GPS1: variants seen among roughly 807,000 people sequenced by gnomAD.
GPS1 encodes COP9 signalosome complex subunit 1.
A neutral mutation model predicts 60.0 loss-of-function variants in GPS1; 11 were observed. The observed-to-expected ratio is 0.18, with a 90% CI of 0.12 to 0.30. GPS1 has a LOEUF of 0.30. GPS1 is among the 10% of genes least tolerant of loss of function. The pLI, the probability that GPS1 is intolerant of heterozygous loss-of-function variation, is 1.00. For synonymous variants in GPS1, 343 were observed against 269.8 expected (o/e 1.27, Z -2.66); for missense variants, 543 against 669.2 (o/e 0.81, Z 2.08).
chr17:82,055,810 C>A lies in GPS1; in HGVS notation c.819C>A (p.His273Gln), dbSNP rs1467562361. The change falls in exon 7 of 13, where the codon CAC becomes CAA. Residue 273 changes from histidine (H) to glutamine (Q), a missense_variant. Coordinates refer to ENST00000578552, the MANE Select transcript of GPS1 (RefSeq NM_001321092.3). ...AKCLLLASFD[H>Q]CDFPELLSPS... ...GCCTCCTGCTGGCTTCCTTTGATCA[C>A]TGTGACTTCCCTGAGGTGAGGAGCC... The A allele has an allele frequency of 3.2e-6, 5 of 1,563,212 alleles. No individual in the cohort carries two copies. The highest frequency in any genetic ancestry group is 4.3e-6 in the Non-Finnish European group (5 of 1,153,070).
At chr17:82,053,157 TG>T in intron 1 of GPS1, 116 bp from the exon 2 acceptor site, 2 of 724,076 alleles carry the variant, frequency 2.8e-6, no homozygotes, top group Non-Finnish European at 4.1e-6. Context: ...GGCGGGAGTG[TG>T]GTCCGACTGG....
chr17:82,055,201 A>T lies in GPS1; in HGVS notation c.727A>T (p.Thr243Ser). Residue 243 changes from threonine (T) to serine (S), a missense_variant, in exon 6 of 13, where the codon ACC becomes TCC. By Grantham distance (58) the Thr-to-Ser change is moderately conservative (BLOSUM62 1). Coordinates refer to ENST00000578552, the MANE Select transcript of GPS1 (RefSeq NM_001321092.3). ...TGACAGCCAGACCCAGGCCATCCTC[A>T]CCAAGCTCAAGTGTGCCGCAGGTGA... is the stretch of plus-strand genomic sequence containing the variant. Reference protein sequence around the residue: ...ERDSQTQAILTKLKCAAGLAE... With the variant: ...ERDSQTQAILSKLKCAAGLAE... The T allele has an allele frequency of 6.4e-7, 1 of 1,558,458 alleles. No homozygotes were observed. The highest frequency in any genetic ancestry group is 8.7e-7 in the Non-Finnish European group (1 of 1,151,426).
At chr17:82,053,194 C>T (rs767913842) in intron 1 of GPS1, 80 bp from the exon 2 acceptor site, 6 of 1,142,982 alleles carry the variant, frequency 5.2e-6, no homozygotes, top group Admixed American at 4.0e-5. Flanking sequence ...GCAGAGCTGA[C>T]CTCAGAGAAC....
chr17:82,052,666 G>C (rs1173098626), intron 1 of GPS1: 3 of 617,272 alleles, frequency 4.9e-6, no homozygotes, highest in South Asian at 2.1e-5. Context: ...GGAGGCCCAC[G>C]GGTCCGGCGA....
intron 6 of GPS1, chr17:82,055,438 T>C (rs781225830): frequency 1.3e-5 from 8 of 628,664 alleles, no homozygotes; most frequent in Non-Finnish European, 2.0e-5. Context: ...GCTGTCACTG[T>C]GGGCGTGAGG....
In GPS1 at chr17:82,056,868, G is replaced by C; in HGVS notation, c.1283G>C (p.Arg428Pro). 1 of 1,612,790 alleles carries C rather than the reference G, an allele frequency of 6.2e-7. No individual in the cohort carries two copies. The highest frequency in any genetic ancestry group is 8.5e-7 in the Non-Finnish European group (1 of 1,179,924). The change falls in exon 12 of 13, where the codon CGC (arginine) becomes CCC (proline). Residue 428 changes from arginine to proline, a missense_variant. Physicochemically the swap from Arg to Pro is moderately radical, Grantham distance 103. Transcript: ENST00000578552. ...KILYARDVDQ[R>P]STTFEKSLLM... ...CTATACGCCCGGGACGTGGATCAGC[G>C]CAGCACCACCTTTGAGAAGTCTCTG...
chr17:82,056,658 G>T lies in GPS1; in HGVS notation c.1146G>T (p.Met382Ile). ...QYFSPYVSAD[M>I]HRMAAAFNTT... ...TCAGCCCCTACGTGTCAGCCGACAT[G>T]CATAGGATGGCGGCAGCCTTCAATA... The change falls in exon 11 of 13, where the codon ATG becomes ATT. Residue 382 changes from methionine to isoleucine, a missense_variant. This residue lies in a region of GPS1 where 291 missense variants were observed against 353.7 expected (regional missense o/e 0.82). Coordinates refer to ENST00000578552, the MANE Select transcript of GPS1 (RefSeq NM_001321092.3). 6.2e-7 allele frequency: 1 copy of T among 1,605,726 alleles called. No homozygotes were observed. Among genetic ancestry groups the T allele is most frequent in the Non-Finnish European group, 8.5e-7 (1 of 1,175,670 alleles).
At chr17:82,055,043 C>T (rs1452976829) in intron 5 of GPS1, 68 bp downstream of exon 5, 1 of 1,597,882 alleles carries the variant, frequency 6.3e-7, no homozygotes, top group Admixed American at 1.7e-5. Flanking sequence ...TCCTGTCCTC[C>T]CCCACCTCAT....
At chr17:82,054,097 G>T (rs569952773) in intron 3 of GPS1, 48 bp downstream of exon 3, 21 of 1,545,800 alleles carry the variant, frequency 1.4e-5, no homozygotes, top group East Asian at 4.7e-5. Context: ...CCAAGGGAGC[G>T]CGGGTGTCTG....
rs529594445 is a variant in GPS1, at chr17:82,052,536, C to T, written c.33+572C>T. 89 of 1,500,352 alleles carry T rather than the reference C, an allele frequency of 5.9e-5. 1 individual carries two copies. The South Asian group carries it at 1.0e-3, about 17-fold the overall frequency. The allele number at this position is 1,500,352 out of a possible 1,614,324, so 92.9% of individuals were successfully genotyped here. ...GGCCGCCCCTGCTGTGGCTGGGCCCCTGCTGCTCTGCTGGCCGAGGACAGG... is the reference window on the plus strand; with the variant it reads ...GGCCGCCCCTGCTGTGGCTGGGCCCTTGCTGCTCTGCTGGCCGAGGACAGG... On this transcript the variant is annotated intron_variant, in intron 1 of 12. Transcript: ENST00000578552.
Position 82,056,360 on chromosome 17 carries a change from C to T in GPS1, c.1004C>T (p.Ala335Val). The change falls in exon 9 of 13, where the codon GCC becomes GTC. Residue 335 changes from alanine (A) to valine (V), a missense_variant. This residue lies in a region of GPS1 where 291 missense variants were observed against 353.7 expected (regional missense o/e 0.82). Coordinates refer to ENST00000578552, the MANE Select transcript of GPS1 (RefSeq NM_001321092.3). ...TTCAAATTCTACGAGTCCAAGTACGCCTCATGTCTCAAGATGCTGGACGAG... is the reference window on the plus strand; with the variant it reads ...TTCAAATTCTACGAGTCCAAGTACGTCTCATGTCTCAAGATGCTGGACGAG... ...IIFKFYESKYASCLKMLDEMK... is the reference protein window; with the variant it reads ...IIFKFYESKYVSCLKMLDEMK... 1.2e-6 allele frequency: 2 copies of T among 1,613,294 alleles called. No individual in the cohort carries two copies. The highest frequency in any genetic ancestry group is 8.5e-7 in the Non-Finnish European group (1 of 1,179,912).
chr17:82,053,554 A>G (rs2031639066), intron 2 of GPS1, 188 bp downstream of exon 2: 2 of 528,070 alleles, frequency 3.8e-6, no homozygotes, highest in Non-Finnish European at 6.5e-6. Flanking sequence ...TCAGCTTCAG[A>G]TGCTGCTCAT....
upstream of GPS1, chr17:82,051,639 G>C (rs1338785069): frequency 5.5e-6 from 6 of 1,098,720 alleles, no homozygotes; most frequent in African/African-American, 8.4e-5. This position sits in a 1 kb window ranked among gnomAD's most constrained non-coding sequence, Gnocchi z 4.1. Context: ...GGGCGCGCGC[G>C]GGGCCGGGGC....
chr17:82,054,203 T>C, intron 3 of GPS1, 154 bp downstream of exon 3: 1 of 849,958 alleles, frequency 1.2e-6, no homozygotes, highest in Non-Finnish European at 1.8e-6. Flanking sequence ...GCAGTGGAAG[T>C]GCCCTGTGTG....
Position 82,056,383 on chromosome 17 carries a change from G to A in GPS1, c.1027G>A (p.Glu343Lys), listed in dbSNP as rs780033092. The change falls in exon 9 of 13, where the codon GAG (glutamate) becomes AAG (lysine). Residue 343 changes from glutamate to lysine, a missense_variant. Physicochemically the swap from Glu to Lys is moderately conservative, Grantham distance 56 (BLOSUM62 1). This residue lies in a region of GPS1 where 291 missense variants were observed against 353.7 expected (regional missense o/e 0.82). Transcript: ENST00000578552. Reference protein sequence around the residue: ...KYASCLKMLDEMKDNLLLDMY... With the variant: ...KYASCLKMLDKMKDNLLLDMY... ...CGCCTCATGTCTCAAGATGCTGGAC[G>A]AGATGAAGGTGGGCCCCGCCTGGGG... 2 of 1,611,974 alleles carry A rather than the reference G, an allele frequency of 1.2e-6. No homozygotes were observed. The highest frequency in any genetic ancestry group is 1.3e-5 in the African/African-American group (1 of 74,558).
chr17:82,051,154 C>G (rs977036470), upstream of GPS1: 53 of 1,310,338 alleles, frequency 4.0e-5, no homozygotes, highest in Non-Finnish European at 5.1e-5. This position sits in a 1 kb window ranked among gnomAD's most constrained non-coding sequence, Gnocchi z 4.1. Flanking sequence ...GCCGCGTGAC[C>G]TGGGCAGCGT....
In GPS1 at chr17:82,055,741, C is replaced by A; in HGVS notation, c.750C>A (p.Gly250=). 6.5e-7 allele frequency: 1 copy of A among 1,548,068 alleles called. No individual in the cohort carries two copies. Residue 250 remains glycine (G), a splice_region_variant and synonymous_variant, in exon 7 of 13, where the codon GGC becomes GGA. Coordinates refer to ENST00000578552, the MANE Select transcript of GPS1 (RefSeq NM_001321092.3). Reference sequence around the variant, plus strand: ...CCCGCCCCCGGCTCCTTCCACTAGGCTTGGCAGAGCTGGCCGCCAGGAAGT... The same window carrying A: ...CCCGCCCCCGGCTCCTTCCACTAGGATTGGCAGAGCTGGCCGCCAGGAAGT... ...AILTKLKCAA[G]LAELAARKYK...
At chr17:82,055,976 G>A in intron 7 of GPS1, 25 bp from the exon 8 acceptor site, 2 of 1,573,084 alleles carry the variant, frequency 1.3e-6, no homozygotes, top group Non-Finnish European at 1.7e-6. Context: ...TTCACTGCCT[G>A]TGACGCCAGG....
rs2032814158 is a variant in GPS1, at chr17:82,056,530, C to T, written c.1096C>T (p.Arg366Cys). 2 of 1,613,114 alleles carry T rather than the reference C, an allele frequency of 1.2e-6. No individual in the cohort carries two copies. The highest frequency in any genetic ancestry group is 1.7e-6 in the Non-Finnish European group (2 of 1,180,016). Residue 366 changes from arginine to cysteine, a missense_variant, in exon 10 of 13, where the codon CGC becomes TGC. By Grantham distance (180) the Arg-to-Cys change is radical. This residue lies in a region of GPS1 where 291 missense variants were observed against 353.7 expected (regional missense o/e 0.82). Transcript: ENST00000578552. ...TGTCAGGACCCTGTACACCCAGATT[C>T]GCAACCGTGCCCTCATCCAGGTAAG... The part of the protein sequence containing the change: ...PHVRTLYTQI[R>C]NRALIQYFSP...
Sources: gnomAD v4.1 joint callset for allele counts on GRCh38, gnomAD v4.1.1 for gene constraint, gnomAD v4.1.1 regional missense constraint, Gnocchi (gnomAD v3.1) non-coding constraint, MANE v1.5 for transcripts, NCBI Gene and HGNC (gene_info 2026-07-23, HGNC 2026-07-21) for gene names.